The following PTPRM variants were observed in gnomAD, a reference collection of about 807,000 sequenced individuals.
PTPRM encodes receptor-type tyrosine-protein phosphatase mu.
A neutral mutation model predicts 186.7 loss-of-function variants in PTPRM; 47 were observed. That is an observed-to-expected ratio of 0.25 (90% CI 0.20 to 0.32). PTPRM has a LOEUF of 0.32. PTPRM is among the 10% of genes least tolerant of loss of function. The pLI is 1.00. For missense variants in PTPRM, 1,494 were observed against 1,865.0 expected (o/e 0.80, Z 3.66); for synonymous variants, 668 against 674.9 (o/e 0.99, Z 0.16).
chr18:7,774,388 C>T lies in PTPRM; in HGVS notation c.196+117C>T, dbSNP rs116661823. Reference sequence around the variant, plus strand: ...GGTGTTGGTCTTTGGATGTGGCAGTCAAAGTTGGATTAGCTAGTGAGAGTG... The same window carrying T: ...GGTGTTGGTCTTTGGATGTGGCAGTTAAAGTTGGATTAGCTAGTGAGAGTG... On this transcript the variant is annotated intron_variant, in intron 2 of 32. Coordinates refer to ENST00000580170, the MANE Select transcript of PTPRM (RefSeq NM_001105244.2). The T allele has an allele frequency of 9.1e-4, 1,188 of 1,304,532 alleles. 9 individuals are homozygous for T. The African/African-American group carries it at 0.016, about 17-fold the overall frequency. 80.8% of individuals were successfully genotyped at this position (1,304,532 alleles called of 1,614,324 possible). A position where few individuals can be genotyped will look rare whatever the true frequency, so the allele number is the denominator to read the frequency against.
chr18:7,760,390 T>TG (rs1265247680), intron 1 of PTPRM, among the ~76,000 whole-genome samples: 1 of 152,188 alleles, frequency 6.6e-6, no homozygotes, highest in Non-Finnish European at 1.5e-5. Context: ...TTAATTTTTT[T>TG]TGTGGCCTAG....
chr18:7,887,953 G>A (rs1470679989), intron 2 of PTPRM, 153 bp from the exon 3 acceptor site: 7 of 860,854 alleles, frequency 8.1e-6, no homozygotes, highest in Non-Finnish European at 1.4e-5. Context: ...GGAGGAGGTG[G>A]TGATATATGA....
At chr18:8,191,216 C>G (rs1036195379) in intron 14 of PTPRM, among the ~76,000 whole-genome samples, 5 of 152,176 alleles carry the variant, frequency 3.3e-5, no homozygotes, top group African/African-American at 1.2e-4. Context: ...CACCTATGGC[C>G]TCAGCCTTGG....
chr18:7,699,599 G>A (rs2039916625), intron 1 of PTPRM, among the ~76,000 whole-genome samples: 1 of 151,998 alleles, frequency 6.6e-6, no homozygotes, highest in East Asian at 1.9e-4. Context: ...TAGTAGAGAC[G>A]GGGCTTCACT....
chr18:7,592,817 C>G (rs1175770288), intron 1 of PTPRM, among the ~76,000 whole-genome samples: 1 of 152,152 alleles, frequency 6.6e-6, no homozygotes, highest in African/African-American at 2.4e-5. Flanking sequence ...TGTGCACATT[C>G]AAGTGTGTGA....
chr18:7,643,371 G>A (rs1025114682), intron 1 of PTPRM, among the ~76,000 whole-genome samples: 3 of 151,626 alleles, frequency 2.0e-5, no homozygotes, highest in East Asian at 1.9e-4. Context: ...ACAGAGTCTC[G>A]CTCTGTTGAC....
chr18:7,889,575 G>A (rs1242403823), intron 3 of PTPRM, among the ~76,000 whole-genome samples: 2 of 152,130 alleles, frequency 1.3e-5, no homozygotes, highest in Middle Eastern at 3.4e-3. Flanking sequence ...CTGGTCGCAG[G>A]TGATCCTGCC....
At chr18:8,053,640 T>C (rs2087676547) in intron 7 of PTPRM, among the ~76,000 whole-genome samples, 2 of 152,182 alleles carry the variant, frequency 1.3e-5, no homozygotes, top group African/African-American at 4.8e-5. Context: ...TGGGGACCTT[T>C]GCACGTCTTT....
Position 7,918,210 on chromosome 18 carries a change from A to T in PTPRM, c.548-8358A>T, listed in dbSNP as rs556105234. ...TGCTGCAATAAACATAGGAGTGCAG[A>T]TATCTTTTTGATATATTGATTTCCT... On this transcript the variant is annotated intron_variant, in intron 4 of 32. Transcript: ENST00000580170. Among the ~76,000 whole-genome samples, 30 of 152,228 alleles carry T rather than the reference A, an allele frequency of 2.0e-4. 1 individual carries two copies. Among genetic ancestry groups the T allele is most frequent in the South Asian group, 4.1e-4 (2 of 4,822 alleles).
chr18:8,231,162 A>G (rs1451006821), intron 14 of PTPRM, among the ~76,000 whole-genome samples: 2 of 152,162 alleles, frequency 1.3e-5, no homozygotes, highest in Non-Finnish European at 2.9e-5. Context: ...GCTAATAAGC[A>G]TTTCCCCAGT....
intron 14 of PTPRM, among the ~76,000 whole-genome samples, chr18:8,162,349 C>T (rs921018033): frequency 2.0e-5 from 3 of 152,216 alleles, no homozygotes; most frequent in African/African-American, 7.2e-5. Context: ...GATCCGCCCA[C>T]CTTGGCTTCC....
At chr18:8,357,030 C>T (rs2095567001) in intron 23 of PTPRM, among the ~76,000 whole-genome samples, 1 of 152,244 alleles carries the variant, frequency 6.6e-6, no homozygotes. Context: ...AATCCACATG[C>T]TTCCAGAGTC....
chr18:7,621,931 T>C lies in PTPRM; in HGVS notation c.73+54040T>C, dbSNP rs562789608. Among the ~76,000 whole-genome samples the C allele has an allele frequency of 9.2e-5, 14 of 152,360 alleles. No homozygotes were observed. The South Asian group carries it at 2.1e-3, about 23-fold the overall frequency. On this transcript the variant is annotated intron_variant, in intron 1 of 32. Transcript: ENST00000580170. ...TGTATAAAGCTGCCATAAACATCCA[T>C]GTACAGGTTTTTGTGTGGACATAAG...
chr18:7,568,008 C>A lies in PTPRM; in HGVS notation c.73+117C>A. On this transcript the variant is annotated intron_variant, in intron 1 of 32. Coordinates refer to ENST00000580170, the MANE Select transcript of PTPRM (RefSeq NM_001105244.2). This position sits in a 1 kb window ranked among gnomAD's most constrained non-coding sequence, Gnocchi z 5.1. ...GCTGGCGTCGGGGCCGGGCGGGGGG[C>A]GCGGCGGGCCGGACACCGCTTCTGC... is the stretch of plus-strand genomic sequence containing the variant. 1.0e-6 allele frequency: 1 copy of A among 979,820 alleles called. No individual in the cohort carries two copies. The highest frequency in any genetic ancestry group is 1.3e-6 in the Non-Finnish European group (1 of 741,690). 60.7% of individuals were successfully genotyped at this position (979,820 alleles called of 1,614,324 possible).
intron 5 of PTPRM, among the ~76,000 whole-genome samples, chr18:7,937,603 C>T (rs748036909): frequency 3.3e-5 from 5 of 152,238 alleles, no homozygotes; most frequent in Non-Finnish European, 7.3e-5. Context: ...GGTAAAGGTG[C>T]CACTGGCCAC....
At chr18:8,046,547 G>T (rs1026505391) in intron 7 of PTPRM, among the ~76,000 whole-genome samples, 4 of 152,148 alleles carry the variant, frequency 2.6e-5, no homozygotes, top group Non-Finnish European at 5.9e-5. Context: ...TGCAGCAGGG[G>T]AGGGAGGGAG....
At position 7,793,503 on chromosome 18, in the gene PTPRM, C is replaced by T. The variant is rs1598741584; in HGVS notation, c.196+19232C>T. 3.9e-5 allele frequency among the ~76,000 whole-genome samples: 6 copies of T among 152,194 alleles called. No individual in the cohort carries two copies. In the East Asian group the frequency reaches 1.2e-3, roughly 29 times the overall value. ...TTTCTCTTAAATTTTTTTCACTTAC[C>T]TTCCTTCTAAATGACAATGTTCCAC... is the stretch of plus-strand genomic sequence containing the variant. On this transcript the variant is annotated intron_variant, in intron 2 of 32. Coordinates refer to ENST00000580170, the MANE Select transcript of PTPRM (RefSeq NM_001105244.2).
In PTPRM at chr18:7,764,842, T is replaced by C. The variant is rs571083514; in HGVS notation, c.74-9307T>C. On this transcript the variant is annotated intron_variant, in intron 1 of 32. Coordinates refer to ENST00000580170, the MANE Select transcript of PTPRM (RefSeq NM_001105244.2). ...TGGCAGCTGTTTCATCATTTTGTTT[T>C]CATTTGTTACTCCTGCTTCTACGAT... 2.0e-5 allele frequency among the ~76,000 whole-genome samples: 3 copies of C among 152,350 alleles called. 1 individual carries two copies. In the South Asian group the frequency reaches 6.2e-4, roughly 32 times the overall value.
intron 14 of PTPRM, among the ~76,000 whole-genome samples, chr18:8,205,296 A>C (rs2093912742): frequency 6.6e-6 from 1 of 151,622 alleles, no homozygotes; most frequent in African/African-American, 2.4e-5. Context: ...AATTCAATAC[A>C]AAAAAAAACC....
Sources: gnomAD v4.1 joint callset for allele counts (sites outside exome capture counted in the v4.1 genomes callset) on GRCh38, gnomAD v4.1.1 for gene constraint, Gnocchi (gnomAD v3.1) non-coding constraint, MANE v1.5 for transcripts, NCBI Gene and HGNC (gene_info 2026-07-23, HGNC 2026-07-21) for gene names.